HERC4: variants seen among roughly 807,000 people sequenced by gnomAD.
HERC4 encodes probable E3 ubiquitin-protein ligase HERC4.
Under a neutral mutation model 124.3 loss-of-function variants are expected in HERC4, and 28 were observed. That is an observed-to-expected ratio of 0.23 (90% confidence interval 0.17 to 0.31). The LOEUF (loss-of-function observed/expected upper bound fraction) is 0.31, where lower values mean the gene tolerates loss of function less well. Ranked by LOEUF, HERC4 falls within the 10% of genes least tolerant of loss-of-function variation. HERC4 has a pLI of 1.00. For synonymous variants in HERC4, 407 were observed against 421.5 expected, an observed-to-expected ratio of 0.97 and a Z score of 0.42; for missense variants, 713 against 1,229.3, an observed-to-expected ratio of 0.58 and a Z score of 6.28.
At chr10:67,947,955 G>A (rs576332964) in intron 19 of HERC4, among the ~76,000 whole-genome samples, 1 of 132,022 alleles carries the variant, frequency 7.6e-6, no homozygotes, top group African/African-American at 2.5e-5. Flanking sequence ...TCCCAAAGTG[G>A]TGGGATTACA....
At chr10:68,060,689 C>T (rs557325002) in intron 3 of HERC4, among the ~76,000 whole-genome samples, 7 of 152,272 alleles carry the variant, frequency 4.6e-5, no homozygotes, top group African/African-American at 1.7e-4. Context: ...AACTTCCTAA[C>T]TGAAAATATG....
chr10:67,987,628 C>G (rs1022859015), intron 15 of HERC4, among the ~76,000 whole-genome samples: 43 of 152,088 alleles, frequency 2.8e-4, no homozygotes, highest in African/African-American at 1.0e-3. Context: ...TGACCTGTTT[C>G]CCTAGGAAAT....
At chr10:68,006,929 T>C (rs931940814) in intron 9 of HERC4, among the ~76,000 whole-genome samples, 2 of 152,220 alleles carry the variant, frequency 1.3e-5, no homozygotes, top group Non-Finnish European at 2.9e-5. Context: ...CTTTGGGAGT[T>C]TGATTATCAA....
rs1364218509 is a variant in HERC4, at chr10:68,044,683, G to A, written c.227-120C>T. ...CACATTCTTCATTTTATACAAACAA[G>A]CTAAAGAAATGCTTAAACACACACT... On this transcript the variant is annotated intron_variant, in intron 3 of 24. Coordinates refer to ENST00000373700, the MANE Select transcript of HERC4 (RefSeq NM_015601.4). 3.4e-6 allele frequency: 3 copies of A among 881,354 alleles called. No homozygotes were observed. In the Admixed American group the frequency reaches 7.5e-5, roughly 22 times the overall value. The allele number at this position is 881,354 out of a possible 1,614,324, so 54.6% of individuals were successfully genotyped here.
chr10:67,942,936 T>C (rs1240332019), intron 19 of HERC4, among the ~76,000 whole-genome samples: 4 of 152,216 alleles, frequency 2.6e-5, no homozygotes, highest in Non-Finnish European at 5.9e-5. Flanking sequence ...ACAACTTGCT[T>C]TAGTACACAT....
intron 4 of HERC4, chr10:68,039,377 T>C (rs1214993790): frequency 2.0e-6 from 3 of 1,507,414 alleles, no homozygotes; most frequent in South Asian, 1.3e-5. Context: ...AGGTACACAA[T>C]ATGTTTCTTA....
intron 15 of HERC4, among the ~76,000 whole-genome samples, chr10:67,982,201 C>T (rs1015136602): frequency 1.3e-5 from 2 of 152,226 alleles, no homozygotes; most frequent in Admixed American, 6.5e-5. Context: ...ATCATATTAC[C>T]TGACTTCAAA....
rs373693404 is a variant in HERC4, at chr10:67,983,595, C to T, written c.1806+5068G>A. Among the ~76,000 whole-genome samples the T allele has an allele frequency of 1.2e-4, 18 of 151,770 alleles. No homozygotes were observed. In the East Asian group the frequency reaches 3.5e-3, roughly 30 times the overall value. Reference sequence around the variant, plus strand: ...GAGATAGAGACCATCCTGGCTAACACGGTGAAACCCCGTCTCTACTAAAAA... The same window carrying T: ...GAGATAGAGACCATCCTGGCTAACATGGTGAAACCCCGTCTCTACTAAAAA... On this transcript the variant is annotated intron_variant, in intron 15 of 24. Coordinates refer to ENST00000373700, the MANE Select transcript of HERC4 (RefSeq NM_015601.4).
At chr10:67,949,292 T>A (rs1325679340) in intron 19 of HERC4, among the ~76,000 whole-genome samples, 3 of 151,170 alleles carry the variant, frequency 2.0e-5, no homozygotes, top group East Asian at 2.0e-4. Context: ...TCAAAAAAAA[T>A]AAAAAATAAA....
intron 3 of HERC4, among the ~76,000 whole-genome samples, chr10:68,054,739 T>C (rs918326106): frequency 2.0e-5 from 3 of 152,116 alleles, no homozygotes; most frequent in South Asian, 4.1e-4. Flanking sequence ...ATAACTTTAA[T>C]ATTTAATTAT....
intron 15 of HERC4, among the ~76,000 whole-genome samples, chr10:67,978,956 T>C (rs1472678429): frequency 1.3e-5 from 2 of 152,198 alleles, no homozygotes; most frequent in Non-Finnish European, 2.9e-5. Flanking sequence ...TTCTAAGCGA[T>C]GACAACATCC....
chr10:67,932,802 T>C (rs187796914), intron 22 of HERC4, 22 bp from the exon 23 acceptor site: 2 of 1,557,560 alleles, frequency 1.3e-6, no homozygotes, highest in South Asian at 2.4e-5. Context: ...AAAGCACACA[T>C]GTACAGATTA....
intron 16 of HERC4, among the ~76,000 whole-genome samples, chr10:67,961,680 CT>C (rs1228531311): frequency 1.3e-5 from 2 of 152,128 alleles, no homozygotes; most frequent in Non-Finnish European, 1.5e-5. Flanking sequence ...AAACTGTTCT[CT>C]TTAACTTTGT....
At chr10:67,954,914 T>C (rs1435953214) in intron 18 of HERC4, 49 bp downstream of exon 18, 9 of 1,508,808 alleles carry the variant, frequency 6.0e-6, no homozygotes, top group East Asian at 2.5e-5. Flanking sequence ...ATTTTAAACA[T>C]AGCTTCTGAA....
At chr10:68,039,784 A>G (rs752435948) in intron 4 of HERC4, 61 of 1,170,172 alleles carry the variant, frequency 5.2e-5, no homozygotes, top group Admixed American at 7.5e-5. Context: ...CTAAACATTT[A>G]CTGTTATTGT....
intron 15 of HERC4, among the ~76,000 whole-genome samples, chr10:67,981,258 T>C (rs1414359574): frequency 6.6e-6 from 1 of 152,068 alleles, no homozygotes; most frequent in African/African-American, 2.4e-5. Context: ...TCAGAGAAAA[T>C]AGATTACAAA....
At chr10:68,019,752 C>T (rs2038495156) in intron 8 of HERC4, among the ~76,000 whole-genome samples, 1 of 152,154 alleles carries the variant, frequency 6.6e-6, no homozygotes, top group African/African-American at 2.4e-5. Flanking sequence ...CAGCCATGAA[C>T]AGCTTCCAGG....
At chr10:68,011,108 G>A (rs1053881062) in intron 9 of HERC4, among the ~76,000 whole-genome samples, 3 of 152,156 alleles carry the variant, frequency 2.0e-5, no homozygotes, top group African/African-American at 7.2e-5. Context: ...TGTCGCCCAG[G>A]CTGGAGTGCA....
intron 15 of HERC4, among the ~76,000 whole-genome samples, chr10:67,977,472 T>C (rs1386565249): frequency 1.3e-5 from 2 of 152,072 alleles, no homozygotes; most frequent in Non-Finnish European, 2.9e-5. Flanking sequence ...CAGGTGAGAC[T>C]CAGCACATTC....
Sources: gnomAD v4.1 joint callset for allele counts (sites outside exome capture counted in the v4.1 genomes callset) on GRCh38, gnomAD v4.1.1 for gene constraint, MANE v1.5 for transcripts, NCBI Gene and HGNC (gene_info 2026-07-23, HGNC 2026-07-21) for gene names.